The following MSRB3 variants were observed in gnomAD, a reference collection of about 807,000 sequenced individuals.
MSRB3 encodes methionine-R-sulfoxide reductase B3.
In MSRB3, 13 loss-of-function variants were observed where a neutral mutation model predicts 21.0. That is an observed-to-expected ratio of 0.62 (90% CI 0.40 to 0.98). The LOEUF is 0.98. Ranked by LOEUF, MSRB3 falls within the 50% of genes least tolerant of loss-of-function variation. MSRB3 has a pLI of 0.00. For synonymous variants in MSRB3, 87 were observed against 88.6 expected (o/e 0.98, Z 0.10); for missense variants, 199 against 230.3 (o/e 0.86, Z 0.88).
At chr12:65,439,891 C>A (rs1459067806) in intron 5 of MSRB3, among the ~76,000 whole-genome samples, 2 of 151,420 alleles carry the variant, frequency 1.3e-5, no homozygotes, top group Admixed American at 6.6e-5. Flanking sequence ...AAACCTAGAG[C>A]AGAAATATTT....
intron 1 of MSRB3, among the ~76,000 whole-genome samples, chr12:65,289,101 T>G (rs1049494450): frequency 6.6e-6 from 1 of 152,230 alleles, no homozygotes; most frequent in African/African-American, 2.4e-5. Flanking sequence ...TGATTATCAT[T>G]GAACACAAAT....
intron 4 of MSRB3, among the ~76,000 whole-genome samples, chr12:65,331,448 A>G (rs767024826): frequency 6.6e-6 from 1 of 152,172 alleles, no homozygotes; most frequent in Non-Finnish European, 1.5e-5. Context: ...ACCTTGTTGG[A>G]GAGGGCATGG....
At chr12:65,419,928 C>T in intron 5 of MSRB3, 1 of 586,880 alleles carries the variant, frequency 1.7e-6, no homozygotes, top group Non-Finnish European at 3.3e-6. Context: ...GTTGGTTGTG[C>T]TGCTGACCAG....
At chr12:65,324,509 T>C (rs1405205040) in intron 2 of MSRB3, among the ~76,000 whole-genome samples, 1 of 152,350 alleles carries the variant, frequency 6.6e-6, no homozygotes, top group South Asian at 2.1e-4. Flanking sequence ...CTTCATTCAC[T>C]AGTAAAGCTT....
At position 65,463,435 on chromosome 12, in the gene MSRB3, C is replaced by A; in HGVS notation, c.*113C>A. On this transcript the variant is annotated 3_prime_UTR_variant, in exon 7 of 7. Coordinates refer to ENST00000308259, the MANE Select transcript of MSRB3 (RefSeq NM_001031679.3). ...CAAAAACTATAAGGGCAGTTTTGTG[C>A]TATTGATATTTTTTCTTCTTTTGCT... The A allele has an allele frequency of 1.5e-6, 2 of 1,306,804 alleles. No homozygotes were observed. The highest frequency in any genetic ancestry group is 2.1e-6 in the Non-Finnish European group (2 of 952,514). The allele number at this position is 1,306,804 out of a possible 1,614,324, so 81.0% of individuals were successfully genotyped here.
intron 5 of MSRB3, among the ~76,000 whole-genome samples, chr12:65,434,101 G>A (rs375440446): frequency 3.9e-5 from 6 of 151,972 alleles, no homozygotes; most frequent in East Asian, 1.9e-4. Flanking sequence ...TATGGGGTCC[G>A]TCCTTTCTCC....
chr12:65,380,849 G>C (rs1306765275), intron 5 of MSRB3, among the ~76,000 whole-genome samples: 1 of 152,124 alleles, frequency 6.6e-6, no homozygotes, highest in Non-Finnish European at 1.5e-5. Context: ...TCCGATTCGA[G>C]AGTCTTAACC....
At chr12:65,405,567 C>T (rs1422398263) in intron 5 of MSRB3, among the ~76,000 whole-genome samples, 1 of 152,052 alleles carries the variant, frequency 6.6e-6, no homozygotes, top group Non-Finnish European at 1.5e-5. Flanking sequence ...GCAACTATCT[C>T]TTCAACATAC....
intron 5 of MSRB3, among the ~76,000 whole-genome samples, chr12:65,383,072 A>G (rs1464844978): frequency 6.6e-6 from 1 of 152,190 alleles, no homozygotes; most frequent in Admixed American, 6.5e-5. Flanking sequence ...AACTTCATAG[A>G]ACTATATGTA....
At chr12:65,396,168 C>A (rs894918246) in intron 5 of MSRB3, among the ~76,000 whole-genome samples, 3 of 152,198 alleles carry the variant, frequency 2.0e-5, no homozygotes, top group African/African-American at 7.2e-5. Flanking sequence ...ACAGCTTACA[C>A]TGCATCCCAC....
chr12:65,302,366 T>C (rs1873386964), intron 1 of MSRB3, among the ~76,000 whole-genome samples: 1 of 152,140 alleles, frequency 6.6e-6, no homozygotes, highest in Non-Finnish European at 1.5e-5. Context: ...CTGGAAGCAA[T>C]TCTCTTTCCT....
At chr12:65,441,686 G>A (rs1004557525) in intron 5 of MSRB3, among the ~76,000 whole-genome samples, 3 of 151,920 alleles carry the variant, frequency 2.0e-5, no homozygotes, top group African/African-American at 4.8e-5. Flanking sequence ...ATATTAGAAA[G>A]TGATACATAT....
intron 1 of MSRB3, chr12:65,286,442 A>G (rs1872352904): frequency 6.6e-6 from 1 of 152,212 alleles, no homozygotes; most frequent in Admixed American, 6.5e-5. Flanking sequence ...CAATAAATAA[A>G]TACTTTTTAA....
Position 65,314,895 on chromosome 12 carries a change from A to G in MSRB3, c.76+6240A>G, listed in dbSNP as rs150315326. 3.3e-5 allele frequency among the ~76,000 whole-genome samples: 5 copies of G among 152,316 alleles called. No individual in the cohort carries two copies. The East Asian group carries it at 7.7e-4, about 24-fold the overall frequency. ...ACAATATGCACTTTGGAGGAATCAT[A>G]TAGGCAATTAGATGCTTATTTATCT... On this transcript the variant is annotated intron_variant, in intron 2 of 6. Transcript: ENST00000308259.
chr12:65,429,324 A>G (rs143630660), intron 5 of MSRB3, among the ~76,000 whole-genome samples: 166 of 152,292 alleles, frequency 1.1e-3, no homozygotes, highest in Non-Finnish European at 2.5e-4. Context: ...TATCTGAGCC[A>G]AGGTCGAAAG....
intron 5 of MSRB3, among the ~76,000 whole-genome samples, chr12:65,407,587 G>A (rs1482882250): frequency 6.6e-6 from 1 of 151,818 alleles, no homozygotes; most frequent in Non-Finnish European, 1.5e-5. Flanking sequence ...ATATGGTTTG[G>A]TGTCTGTCAT....
At chr12:65,286,529 A>G (rs1187538974) in intron 1 of MSRB3, 3 of 152,150 alleles carry the variant, frequency 2.0e-5, no homozygotes, top group African/African-American at 7.2e-5. Flanking sequence ...GTTGATTTGC[A>G]TGTGAGTATA....
At chr12:65,347,280 C>G (rs554891452) in intron 4 of MSRB3, among the ~76,000 whole-genome samples, 107 of 152,194 alleles carry the variant, frequency 7.0e-4, no homozygotes, top group African/African-American at 2.4e-3. Flanking sequence ...GTTTGTAGTT[C>G]TCCTTGAAGA....
intron 6 of MSRB3, among the ~76,000 whole-genome samples, chr12:65,455,911 T>G (rs568157988): frequency 6.6e-6 from 1 of 152,198 alleles, no homozygotes; most frequent in East Asian, 1.9e-4. Context: ...TAATTTTTTG[T>G]ATTTTTGGTA....
Sources: allele counts gnomAD v4.1 joint callset (sites outside exome capture counted in the v4.1 genomes callset), GRCh38; gene constraint gnomAD v4.1.1; transcripts MANE v1.5; gene names NCBI Gene and HGNC (gene_info 2026-07-23, HGNC 2026-07-21).